Variants in PCDHGB2 observed in about 807,000 individuals in gnomAD.
PCDHGB2 encodes the protein protocadherin gamma-B2.
A neutral mutation model predicts 59.3 loss-of-function variants in PCDHGB2; 55 were observed. The ratio of observed to expected loss-of-function variants is 0.93; its 90% CI spans 0.75 to 1.16. PCDHGB2 has a LOEUF of 1.16. Ranked by LOEUF, PCDHGB2 falls within the 50% of genes most tolerant of loss-of-function variation. PCDHGB2 has a pLI of 0.00. For missense variants in PCDHGB2, 1,228 were observed against 1,198.5 expected (o/e 1.02, Z -0.36); for synonymous variants, 516 against 512.0 (o/e 1.01, Z -0.11).
chr5:141,403,049 T>A, intron 1 of PCDHGB2: 1 of 1,614,056 alleles, frequency 6.2e-7, no homozygotes, highest in Non-Finnish European at 8.5e-7. Context: ...TCAGATTCGC[T>A]ACTCAGTGCC....
chr5:141,397,177 A>G (rs1453004001), intron 1 of PCDHGB2, among the ~76,000 whole-genome samples: 1 of 152,250 alleles, frequency 6.6e-6, no homozygotes, highest in Non-Finnish European at 1.5e-5. Flanking sequence ...CTTAAGAATG[A>G]ATTTATGTAC....
chr5:141,365,875 T>C (rs1408418320), intron 1 of PCDHGB2: 1 of 1,614,106 alleles, frequency 6.2e-7, no homozygotes, highest in South Asian at 1.1e-5. Flanking sequence ...GTGTCCTGTA[T>C]GCTCTGAGAT....
intron 1 of PCDHGB2, chr5:141,365,437 T>C (rs1763915264): frequency 6.2e-7 from 1 of 1,614,022 alleles, no homozygotes. Context: ...TCGCGCTGTT[T>C]AGCGTACATG....
At chr5:141,460,908 T>C (rs550367008) in intron 1 of PCDHGB2, among the ~76,000 whole-genome samples, 2,136 of 133,318 alleles carry the variant, frequency 0.016, 43 homozygotes, top group African/African-American at 0.062. Flanking sequence ...TAATATTCCA[T>C]GGTGTATATA....
At chr5:141,365,169 C>T in intron 1 of PCDHGB2, 1 of 1,613,926 alleles carries the variant, frequency 6.2e-7, no homozygotes, top group Non-Finnish European at 8.5e-7. Flanking sequence ...TTGACCTACT[C>T]TTTTCGCAAT....
chr5:141,384,957 C>T (rs1561605479), intron 1 of PCDHGB2: 2 of 1,613,966 alleles, frequency 1.2e-6, no homozygotes, highest in African/African-American at 2.7e-5. Flanking sequence ...GTCCTTACAA[C>T]TATGACCTCA....
chr5:141,417,663 C>T (rs2096144136), intron 1 of PCDHGB2: 8 of 901,900 alleles, frequency 8.9e-6, no homozygotes, highest in Non-Finnish European at 1.3e-5. Flanking sequence ...CCTGGGATTC[C>T]CTGCGCAGCC....
At chr5:141,450,006 C>CTTTTTTT (rs1554136305) in intron 1 of PCDHGB2, among the ~76,000 whole-genome samples, 1 of 132,982 alleles carries the variant, frequency 7.5e-6, no homozygotes, top group Admixed American at 7.8e-5. Context: ...TGCCATGTCT[C>CTTTTTTT]TTTTTTTTTT....
intron 1 of PCDHGB2, chr5:141,374,957 TTC>T (rs1770979960): frequency 6.2e-7 from 1 of 1,613,926 alleles, no homozygotes; most frequent in Non-Finnish European, 8.5e-7. Context: ...CTCACAAATT[TTC>T]TGTTTGAATG....
At position 141,499,506 on chromosome 5, in the gene PCDHGB2, CA is replaced by C. The variant is rs759983739; in HGVS notation, c.2480+4644del. Among the ~76,000 whole-genome samples, 6 of 152,086 alleles carry C rather than the reference CA, an allele frequency of 3.9e-5. No homozygotes were observed. The South Asian group carries it at 1.0e-3, about 26-fold the overall frequency. On this transcript the variant is annotated intron_variant, in intron 2 of 3. Coordinates refer to ENST00000522605, the MANE Select transcript of PCDHGB2 (RefSeq NM_018923.3). Reference sequence around the variant, plus strand: ...AACTACAGTTTAATATGAAACATTTCAAATATGTACAAAAGTAGAGAGAATG... The same window carrying C: ...AACTACAGTTTAATATGAAACATTTCAATATGTACAAAAGTAGAGAGAATG...
At chr5:141,420,341 G>A in intron 1 of PCDHGB2, 5 of 1,391,412 alleles carry the variant, frequency 3.6e-6, no homozygotes, top group Middle Eastern at 1.9e-4. Context: ...CAATATAGTG[G>A]TATTATTTTA....
intron 1 of PCDHGB2, chr5:141,415,715 T>A: frequency 7.0e-7 from 1 of 1,428,190 alleles, no homozygotes; most frequent in Non-Finnish European, 9.3e-7. Flanking sequence ...AAAACACTGA[T>A]GAGTAGAATT....
chr5:141,399,632 C>G, intron 1 of PCDHGB2: 1 of 1,613,894 alleles, frequency 6.2e-7, no homozygotes, highest in Non-Finnish European at 8.5e-7. Flanking sequence ...TCTTACGTGT[C>G]CATGAGCGCG....
intron 2 of PCDHGB2, among the ~76,000 whole-genome samples, chr5:141,497,614 A>C (rs1377740795): frequency 6.8e-6 from 1 of 146,530 alleles, no homozygotes; most frequent in African/African-American, 2.6e-5. Context: ...ATCTTGGCTC[A>C]CTGCAACCTC....
intron 1 of PCDHGB2, chr5:141,393,417 A>G (rs2092754726): frequency 6.2e-6 from 10 of 1,614,032 alleles, no homozygotes; most frequent in Non-Finnish European, 8.5e-6. Flanking sequence ...CGCCCTGGAC[A>G]GGGAGGAAGA....
chr5:141,490,945 C>T lies in PCDHGB2; in HGVS notation c.2422-3862C>T, dbSNP rs2099706308. On this transcript the variant is annotated intron_variant, in intron 1 of 3. Transcript: ENST00000522605. This position sits in a 1 kb window ranked among gnomAD's most constrained non-coding sequence, Gnocchi z 5.4. ...TGCCCCAGCTGTGCTGCACCCACGG[C>T]CAGACTGGGAACACTCAGCCCCCCA... The T allele has an allele frequency of 6.2e-7, 1 of 1,613,434 alleles. No homozygotes were observed. Among genetic ancestry groups the T allele is most frequent in the South Asian group, 1.1e-5 (1 of 91,010 alleles).
intron 1 of PCDHGB2, chr5:141,382,643 A>G (rs1179734699): frequency 2.5e-6 from 1 of 392,566 alleles, no homozygotes; most frequent in Non-Finnish European, 4.5e-6. Flanking sequence ...TGGTGCAGTA[A>G]CTTAGTAAGG....
chr5:141,421,125 C>G, intron 1 of PCDHGB2: 1 of 804,210 alleles, frequency 1.2e-6, no homozygotes, highest in Admixed American at 3.0e-5. Flanking sequence ...CCTTCGCTTT[C>G]TGATATATTT....
intron 1 of PCDHGB2, chr5:141,399,866 C>G (rs1312435366): frequency 1.1e-5 from 17 of 1,612,854 alleles, no homozygotes; most frequent in Non-Finnish European, 1.4e-5. Context: ...GCTGCAGAGC[C>G]CGGCTACCTG....
Sources: allele counts gnomAD v4.1 joint callset (sites outside exome capture counted in the v4.1 genomes callset), GRCh38; gene constraint gnomAD v4.1.1; non-coding constraint Gnocchi (gnomAD v3.1); transcripts MANE v1.5; gene names NCBI Gene and HGNC (gene_info 2026-07-23, HGNC 2026-07-21).